COL18A1: variants seen among roughly 807,000 people sequenced by gnomAD.
COL18A1 encodes collagen type XVIII alpha 1 chain.
Under a neutral mutation model 168.0 loss-of-function variants are expected in COL18A1, and 133 were observed. The ratio of observed to expected loss-of-function variants is 0.79; its 90% confidence interval spans 0.69 to 0.91. The LOEUF (loss-of-function observed/expected upper bound fraction) is 0.91, where lower values mean the gene tolerates loss of function less well. Ranked by LOEUF, COL18A1 falls within the 40% of genes least tolerant of loss-of-function variation. The probability of loss-of-function intolerance (pLI) is 0.00; values close to 1 mark genes in which losing one functional copy is unlikely to be tolerated. For synonymous variants in COL18A1, 949 were observed against 809.0 expected, an observed-to-expected ratio of 1.17 and a Z score of -2.94; for missense variants, 2,126 against 1,925.4, an observed-to-expected ratio of 1.10 and a Z score of -1.95.
chr21:45,432,784 G>A (rs770930603), intron 2 of COL18A1, among the ~76,000 whole-genome samples: 7 of 152,196 alleles, frequency 4.6e-5, no homozygotes, highest in East Asian at 1.9e-4. Flanking sequence ...ACATGGCCCC[G>A]TAGCAGGCTG....
At chr21:45,491,466 C>CAGAGGCCCTCCGTCAG (rs367715668) in intron 22 of COL18A1, 152 bp downstream of exon 22, 1 of 631,204 alleles carries the variant, frequency 1.6e-6, no homozygotes, top group Non-Finnish European at 2.9e-6. Flanking sequence ...GTGGGGGCTG[C>CAGAGGCCCTCCGTCAG]AGACGCCCTC....
At chr21:45,496,154 AG>A (rs988522825) in intron 29 of COL18A1, 10 of 455,510 alleles carry the variant, frequency 2.2e-5, no homozygotes, top group African/African-American at 1.2e-4. Context: ...CTCAGCCCAA[AG>A]GTGTCCACTC....
intron 2 of COL18A1, among the ~76,000 whole-genome samples, chr21:45,415,285 C>G (rs1431761322): frequency 6.6e-6 from 1 of 152,162 alleles, no homozygotes; most frequent in Non-Finnish European, 1.5e-5. Flanking sequence ...AATACGAGCA[C>G]TTCCTGCACA....
rs1004053090 is a variant in COL18A1 at position 45,422,707 on chromosome 21, T to G, written c.106+17234T>G. 3 of 304,128 alleles carry G rather than the reference T, an allele frequency of 9.9e-6. No homozygotes were observed. The Admixed American group carries it at 1.4e-4, about 14-fold the overall frequency. The allele number at this position is 304,128 out of a possible 1,614,324, so 18.8% of individuals were successfully genotyped here. On this transcript the variant is annotated intron_variant, in intron 2 of 41. Transcript: ENST00000651438. ...AGCGGCCCCAGGTCAGGCCACTGGG[T>G]GAGGCGGGGCTGTGGGCCTCCTGGG... is the stretch of plus-strand genomic sequence containing the variant.
intron 29 of COL18A1, 190 bp from the exon 30 acceptor site, chr21:45,496,310 G>T: frequency 2.8e-6 from 2 of 714,914 alleles, no homozygotes; most frequent in Non-Finnish European, 5.2e-6. Flanking sequence ...GTGGGATGAG[G>T]TGGGGCCGGG....
At chr21:45,405,701 G>A (rs2033077382) in intron 2 of COL18A1, among the ~76,000 whole-genome samples, 2 of 150,198 alleles carry the variant, frequency 1.3e-5, no homozygotes, top group African/African-American at 4.9e-5. Context: ...GGTGCGCGGT[G>A]CGAGCGGCCG....
rs1338779647 is a variant in COL18A1, at chr21:45,405,168, C to T, written c.-63C>T. The T allele has an allele frequency of 1.6e-5, 5 of 310,078 alleles. No homozygotes were observed. Among genetic ancestry groups the T allele is most frequent in the Admixed American group, 5.2e-5 (1 of 19,282 alleles). The allele number at this position is 310,078 out of a possible 1,614,324, so 19.2% of individuals were successfully genotyped here. A position where few individuals can be genotyped will look rare whatever the true frequency, so the allele number is the denominator to read the frequency against. Reference sequence around the variant, plus strand: ...GCGGCGGCGGCTGCAGCGCGGCGGTCCGAGCGGGTGCACCGCGGCGGAGGA... The same window carrying T: ...GCGGCGGCGGCTGCAGCGCGGCGGTTCGAGCGGGTGCACCGCGGCGGAGGA... On this transcript the variant is annotated 5_prime_UTR_variant, in exon 1 of 42. Transcript: ENST00000651438.
At position 45,491,392 on chromosome 21, in the gene COL18A1, C is replaced by T. The variant is rs1408529368; in HGVS notation, c.2157+78C>T. 9.6e-6 allele frequency: 7 copies of T among 729,530 alleles called. No individual in the cohort carries two copies. The South Asian group carries it at 1.0e-4, about 11-fold the overall frequency. The allele number at this position is 729,530 out of a possible 1,614,324, so 45.2% of individuals were successfully genotyped here. On this transcript the variant is annotated intron_variant, in intron 22 of 41. Transcript: ENST00000651438. ...GCAGAGATCCCTCCCCGAGCCCCCC[C>T]CACACCCCCACATCCCCCAGGTCAG...
chr21:45,490,139 C>A, intron 19 of COL18A1, 136 bp from the exon 20 acceptor site: 1 of 531,156 alleles, frequency 1.9e-6, no homozygotes, highest in Non-Finnish European at 3.4e-6. Context: ...TCCACAGCCC[C>A]TGCTCAGGCC....
Position 45,468,199 on chromosome 21 carries a change from C to G in COL18A1, c.107-43C>G, listed in dbSNP as rs371769559. 5.0e-5 allele frequency: 81 copies of G among 1,609,936 alleles called. No homozygotes were observed. In the African/African-American group the frequency reaches 9.2e-4, roughly 18 times the overall value. On this transcript the variant is annotated intron_variant, in intron 2 of 41. Transcript: ENST00000651438. ...CAGGCCGCGTCGGTGGCCCCTGGTT[C>G]CGTCCTGCACAGCCACCTCACCAGC...
chr21:45,475,079 G>A (rs1479310058), intron 4 of COL18A1, among the ~76,000 whole-genome samples: 2 of 152,190 alleles, frequency 1.3e-5, no homozygotes, highest in African/African-American at 2.4e-5. Flanking sequence ...ACATCCAGCC[G>A]CCTTGGCGCG....
intron 32 of COL18A1, among the ~76,000 whole-genome samples, chr21:45,499,497 C>T (rs1269698851): frequency 0.052 from 3,930 of 75,710 alleles, 265 homozygotes; most frequent in Admixed American, 0.062. Flanking sequence ...GAGGCTCCCT[C>T]AGGAACCTGT....
chr21:45,495,989 C>T (rs185442055), intron 29 of COL18A1: 3 of 343,062 alleles, frequency 8.7e-6, no homozygotes, highest in Admixed American at 3.9e-5. Context: ...CACCAATACA[C>T]ATATATGCAC....
At position 45,497,640 on chromosome 21, in the gene COL18A1, G is replaced by C; in HGVS notation, c.2662G>C (p.Val888Leu). ...AGGACCCAAGGGCGCCAAAGGAGAA[G>C]TGGGCCCCCCCGGACCACCAGGTGA... is the stretch of plus-strand genomic sequence containing the variant. ...PPGPKGAKGE[V>L]GPPGPPGQFP... Residue 888 changes from valine (V) to leucine (L), a missense_variant, in exon 32 of 42, where the codon GTG (valine) becomes CTG (leucine). Transcript: ENST00000651438. 1 of 1,569,864 alleles carries C rather than the reference G, an allele frequency of 6.4e-7. No homozygotes were observed. Among genetic ancestry groups the C allele is most frequent in the Non-Finnish European group, 8.6e-7 (1 of 1,157,860 alleles).
chr21:45,497,406 C>T (rs1359561938), intron 31 of COL18A1, among the ~76,000 whole-genome samples, 193 bp from the exon 32 acceptor site: 1 of 152,244 alleles, frequency 6.6e-6, no homozygotes, highest in African/African-American at 2.4e-5. Flanking sequence ...TGTGGCCTGG[C>T]CCCCACATGG....
At chr21:45,442,520 G>A (rs988876660) in intron 2 of COL18A1, among the ~76,000 whole-genome samples, 6 of 152,252 alleles carry the variant, frequency 3.9e-5, no homozygotes, top group African/African-American at 7.2e-5. Flanking sequence ...AGTCTCTGTC[G>A]CCGGGTAGTA....
At chr21:45,429,963 G>A (rs754675044) in intron 2 of COL18A1, among the ~76,000 whole-genome samples, 4 of 151,456 alleles carry the variant, frequency 2.6e-5, no homozygotes, top group African/African-American at 4.8e-5. Flanking sequence ...TCTCCCTAGC[G>A]CCCTCTCGTC....
intron 2 of COL18A1, among the ~76,000 whole-genome samples, chr21:45,467,018 C>T (rs2035235722): frequency 6.6e-6 from 1 of 152,344 alleles, no homozygotes; most frequent in Middle Eastern, 3.4e-3. Flanking sequence ...TCTGGGTGGA[C>T]GGCGGCCTCT....
rs767027739 is a variant in COL18A1 at position 45,504,466 on chromosome 21, G to A, written c.2778G>A (p.Glu926=). 6.2e-7 allele frequency: 1 copy of A among 1,609,870 alleles called. No homozygotes were observed. The highest frequency in any genetic ancestry group is 2.2e-5 in the East Asian group (1 of 44,770). Residue 926 remains glutamate (E), a synonymous_variant, in exon 34 of 42, where the codon GAG becomes GAA. Transcript: ENST00000651438. ...GDAGQKGERG[E]PGGGGFFGSS... ...CAGGACAGAAAGGCGAAAGGGGGGAGCCCGGGGGCGGCGGTTTCTTCGGCT... is the reference window on the plus strand; with the variant it reads ...CAGGACAGAAAGGCGAAAGGGGGGAACCCGGGGGCGGCGGTTTCTTCGGCT...
Sources: allele counts gnomAD v4.1 joint callset (sites outside exome capture counted in the v4.1 genomes callset), GRCh38; gene constraint gnomAD v4.1.1; transcripts MANE v1.5; gene names NCBI Gene and HGNC (gene_info 2026-07-23, HGNC 2026-07-21).